The following AARS1 variants were observed in gnomAD, a reference collection of about 807,000 sequenced individuals.
AARS1 encodes the protein alanine--tRNA ligase, cytoplasmic.
Under a neutral mutation model 108.9 loss-of-function variants are expected in AARS1, and 72 were observed. That is an observed-to-expected ratio of 0.66 (90% CI 0.55 to 0.80). The LOEUF (loss-of-function observed/expected upper bound fraction) is 0.80. Among genes scored for constraint, AARS1 ranks in the 30% least tolerant of loss-of-function variants. AARS1 has a pLI of 0.00. For synonymous variants in AARS1, 489 were observed against 465.7 expected, an observed-to-expected ratio of 1.05 and a Z score of -0.64; for missense variants, 1,193 against 1,233.2, an observed-to-expected ratio of 0.97 and a Z score of 0.49.
At chr16:70,270,096 G>T in intron 6 of AARS1, 100 bp downstream of exon 6, 2 of 1,451,992 alleles carry the variant, frequency 1.4e-6, no homozygotes, top group Non-Finnish European at 1.9e-6. Context: ...GGTACCCTTG[G>T]CTGGCAAAGC....
At chr16:70,277,765 T>C (rs548910786) in intron 2 of AARS1, among the ~76,000 whole-genome samples, 2 of 151,870 alleles carry the variant, frequency 1.3e-5, no homozygotes, top group African/African-American at 4.8e-5. Context: ...ACACTTTTTT[T>C]TTTTTTTTTT....
At chr16:70,270,105 G>A (rs1339484891) in intron 6 of AARS1, 91 bp downstream of exon 6, 4 of 1,508,054 alleles carry the variant, frequency 2.7e-6, no homozygotes, top group South Asian at 1.1e-5. Context: ...GGCTGGCAAA[G>A]CATATGGTCA....
At chr16:70,256,436 C>G (rs188445404) in intron 15 of AARS1, among the ~76,000 whole-genome samples, 2 of 152,222 alleles carry the variant, frequency 1.3e-5, no homozygotes, top group Admixed American at 1.3e-4. Context: ...ACCCAAGTAG[C>G]TTGGATACAG....
At chr16:70,279,350 CAAAAAAAA>C (rs57438636) in intron 2 of AARS1, among the ~76,000 whole-genome samples, 939 of 37,804 alleles carry the variant, frequency 0.025, 16 homozygotes, top group African/African-American at 0.1. Flanking sequence ...AACTTCATCT[CAAAAAAAA>C]AAAAAAAAAA....
intron 10 of AARS1, 53 bp downstream of exon 10, chr16:70,265,485 T>G: frequency 1.2e-6 from 2 of 1,612,212 alleles, no homozygotes; most frequent in Non-Finnish European, 1.7e-6. Flanking sequence ...TGCAGCCAAG[T>G]GGTGCTGGGT....
chr16:70,280,561 G>C (rs1960671787), intron 2 of AARS1, among the ~76,000 whole-genome samples: 1 of 152,126 alleles, frequency 6.6e-6, no homozygotes. Context: ...TAAGAGAAAA[G>C]AAAATGTCAA....
intron 11 of AARS1, among the ~76,000 whole-genome samples, chr16:70,264,579 A>T (rs1286758134): frequency 6.6e-6 from 1 of 152,014 alleles, no homozygotes; most frequent in Non-Finnish European, 1.5e-5. Context: ...GGCCTCCCAA[A>T]GTGTTGGGAT....
rs1960558780 is a variant in AARS1 at position 70,276,625 on chromosome 16, C to G, written c.340G>C (p.Ala114Pro). The G allele has an allele frequency of 6.2e-7, 1 of 1,613,770 alleles. No homozygotes were observed. The highest frequency in any genetic ancestry group is 1.1e-5 in the South Asian group (1 of 91,090). Residue 114 changes from alanine to proline, a missense_variant, in exon 4 of 21, where the codon GCA becomes CCA. Coordinates refer to ENST00000261772, the MANE Select transcript of AARS1 (RefSeq NM_001605.3). ...AGGAGTTCCAGAGCCATCTTACATG[C>G]CAATTCCTACAAAAAGAACAGAGAG... ...WSFGDYFKELACKMALELLTQ... is the reference protein window; with the variant it reads ...WSFGDYFKELPCKMALELLTQ...
intron 1 of AARS1, among the ~76,000 whole-genome samples, chr16:70,287,319 T>C (rs1189083339): frequency 2.0e-5 from 3 of 150,038 alleles, no homozygotes; most frequent in East Asian, 4.0e-4. Flanking sequence ...TCCCAGCTAC[T>C]TGGGAGGCTG....
chr16:70,273,003 G>C (rs1960447501), intron 4 of AARS1, among the ~76,000 whole-genome samples: 1 of 151,702 alleles, frequency 6.6e-6, no homozygotes, highest in Non-Finnish European at 1.5e-5. Flanking sequence ...AGGTAAAAGA[G>C]GATTTTAAAA....
chr16:70,258,353 C>T, intron 14 of AARS1, 136 bp from the exon 15 acceptor site: 10 of 855,302 alleles, frequency 1.2e-5, no homozygotes, highest in African/African-American at 3.3e-5. Flanking sequence ...TGAGCTTCCT[C>T]AATCACACGC....
chr16:70,265,147 A>G lies in AARS1; in HGVS notation c.1348-45T>C, dbSNP rs190507487. 11 of 1,612,040 alleles carry G rather than the reference A, an allele frequency of 6.8e-6. 1 individual carries two copies. The Admixed American group carries it at 1.8e-4, about 27-fold the overall frequency. ...GCATAAGTTACCGTAAAGTAGGAGA[A>G]AAGGGACTCCAAAGGACTGGAACTT... On this transcript the variant is annotated intron_variant, in intron 10 of 20. Coordinates refer to ENST00000261772, the MANE Select transcript of AARS1 (RefSeq NM_001605.3).
At chr16:70,275,566 C>T (rs904460147) in intron 4 of AARS1, among the ~76,000 whole-genome samples, 9 of 151,446 alleles carry the variant, frequency 5.9e-5, no homozygotes, top group East Asian at 3.9e-4. Context: ...ATCGAGACCA[C>T]CCTGGCTAAC....
chr16:70,286,729 C>T (rs1225673236), intron 1 of AARS1, among the ~76,000 whole-genome samples: 1 of 151,722 alleles, frequency 6.6e-6, no homozygotes, highest in Non-Finnish European at 1.5e-5. Context: ...CCTATAATCC[C>T]AGCTACTTGG....
chr16:70,263,265 T>A (rs888417530), intron 11 of AARS1, among the ~76,000 whole-genome samples: 1 of 151,964 alleles, frequency 6.6e-6, no homozygotes, highest in Non-Finnish European at 1.5e-5. Flanking sequence ...CTTGCTTGAA[T>A]AGATTTAGGT....
intron 11 of AARS1, among the ~76,000 whole-genome samples, chr16:70,264,161 G>A (rs559413855): frequency 4.0e-5 from 6 of 151,006 alleles, no homozygotes; most frequent in Admixed American, 1.3e-4. Flanking sequence ...CCGGAGAATC[G>A]CTTGAACCCA....
At chr16:70,269,388 T>C (rs1487554986) in intron 7 of AARS1, among the ~76,000 whole-genome samples, 1 of 105,854 alleles carries the variant, frequency 9.4e-6, no homozygotes, top group Non-Finnish European at 1.9e-5. Context: ...AGTACAAAAA[T>C]TAGCCAGGCG....
rs1567600407 is a variant in AARS1 at position 70,252,601 on chromosome 16, T to G, written c.*120A>C. The G allele has an allele frequency of 8.8e-7, 1 of 1,136,726 alleles. No individual in the cohort carries two copies. Among genetic ancestry groups the G allele is most frequent in the Non-Finnish European group, 1.3e-6 (1 of 768,736 alleles). 70.4% of individuals were successfully genotyped at this position (1,136,726 alleles called of 1,614,324 possible). ...GACATAGGACTGCTCCCAAGTGTGT[T>G]CCAGTTACTGCTGGGTTAGGAGGGG... is the stretch of plus-strand genomic sequence containing the variant. On this transcript the variant is annotated 3_prime_UTR_variant, in exon 21 of 21. Transcript: ENST00000261772.
chr16:70,285,572 C>A (rs558197432), intron 1 of AARS1, among the ~76,000 whole-genome samples: 2 of 152,196 alleles, frequency 1.3e-5, no homozygotes, highest in Admixed American at 6.5e-5. Flanking sequence ...CCTCAGCCTC[C>A]TGGGTAACCT....
Sources: gnomAD v4.1 joint callset for allele counts (sites outside exome capture counted in the v4.1 genomes callset) on GRCh38, gnomAD v4.1.1 for gene constraint, MANE v1.5 for transcripts, NCBI Gene and HGNC (gene_info 2026-07-23, HGNC 2026-07-21) for gene names.